AGBL4: variants seen among roughly 807,000 people sequenced by gnomAD.
AGBL4 encodes AGBL carboxypeptidase 4, also known as cytosolic carboxypeptidase 6.
Under a neutral mutation model 66.4 loss-of-function variants are expected in AGBL4, and 58 were observed. That is an observed-to-expected ratio of 0.87 (90% CI 0.71 to 1.09). The LOEUF is 1.09. Among genes scored for constraint, AGBL4 ranks in the 50% least tolerant of loss-of-function variants. The pLI is 0.00. For synonymous variants in AGBL4, 234 were observed against 222.9 expected, an observed-to-expected ratio of 1.05 and a Z score of -0.44; for missense variants, 579 against 631.0, an observed-to-expected ratio of 0.92 and a Z score of 0.88.
At chr1:49,288,360 A>G (rs1259928435) in intron 3 of AGBL4, among the ~76,000 whole-genome samples, 1 of 150,704 alleles carries the variant, frequency 6.6e-6, no homozygotes, top group Non-Finnish European at 1.5e-5. Flanking sequence ...AATTTAAAGT[A>G]TAATAAAAAA....
chr1:48,697,444 G>A (rs543645090), intron 6 of AGBL4, among the ~76,000 whole-genome samples: 4 of 152,196 alleles, frequency 2.6e-5, no homozygotes, highest in Non-Finnish European at 5.9e-5. Context: ...TGAAGGGCAG[G>A]CATTATCTTT....
At chr1:49,880,698 C>T (rs2148140074) in intron 1 of AGBL4, among the ~76,000 whole-genome samples, 1 of 152,326 alleles carries the variant, frequency 6.6e-6, no homozygotes, top group Non-Finnish European at 1.5e-5. Context: ...CCAGTTTGAG[C>T]TTCCCGGCTG....
At chr1:48,841,361 G>A (rs1353563186) in intron 6 of AGBL4, among the ~76,000 whole-genome samples, 1 of 151,202 alleles carries the variant, frequency 6.6e-6, no homozygotes, top group African/African-American at 2.4e-5. Context: ...GTAATCTAAG[G>A]GTAGAGTCTT....
At chr1:49,356,589 C>T (rs1365813751) in intron 3 of AGBL4, among the ~76,000 whole-genome samples, 6 of 152,274 alleles carry the variant, frequency 3.9e-5, no homozygotes, top group East Asian at 1.9e-4. Context: ...ATTTCTTTTA[C>T]GGCTTTATTT....
chr1:48,955,900 G>A (rs1657411841), intron 5 of AGBL4, among the ~76,000 whole-genome samples: 1 of 152,226 alleles, frequency 6.6e-6, no homozygotes, highest in African/African-American at 2.4e-5. Flanking sequence ...AAAATACAGA[G>A]TATTCAGTAA....
At chr1:49,010,934 A>T (rs1297551117) in intron 5 of AGBL4, among the ~76,000 whole-genome samples, 4 of 152,240 alleles carry the variant, frequency 2.6e-5, no homozygotes, top group African/African-American at 7.2e-5. Flanking sequence ...ACTCTAGAAG[A>T]AAACCTAGGC....
chr1:48,806,792 C>G (rs1290533216), intron 6 of AGBL4, among the ~76,000 whole-genome samples: 2 of 152,210 alleles, frequency 1.3e-5, no homozygotes, highest in Non-Finnish European at 2.9e-5. Flanking sequence ...TCTGAGGAAA[C>G]TTGCCAAGGC....
At chr1:49,841,907 T>C (rs1487239600) in intron 2 of AGBL4, 4 of 630,044 alleles carry the variant, frequency 6.3e-6, no homozygotes, top group Admixed American at 2.0e-5. Flanking sequence ...GGGCTGCCTG[T>C]CTCCACAGAC....
intron 3 of AGBL4, among the ~76,000 whole-genome samples, chr1:49,273,227 C>T (rs1021512503): frequency 2.6e-5 from 4 of 152,010 alleles, no homozygotes; most frequent in African/African-American, 9.7e-5. Flanking sequence ...CTAAATCTGG[C>T]ACATGATTAA....
At chr1:49,200,890 TG>T (rs1284829861) in intron 4 of AGBL4, among the ~76,000 whole-genome samples, 1 of 152,110 alleles carries the variant, frequency 6.6e-6, no homozygotes, top group African/African-American at 2.4e-5. Flanking sequence ...CCCTGGAGGT[TG>T]GGGGGTGGGG....
At chr1:49,268,902 A>T (rs1643991500) in intron 3 of AGBL4, among the ~76,000 whole-genome samples, 1 of 152,182 alleles carries the variant, frequency 6.6e-6, no homozygotes. Flanking sequence ...TCTTTATACT[A>T]TGATTTTGCT....
intron 3 of AGBL4, among the ~76,000 whole-genome samples, chr1:49,465,634 C>G (rs1646615017): frequency 6.6e-6 from 1 of 151,802 alleles, no homozygotes; most frequent in African/African-American, 2.4e-5. Context: ...AGGAATTCAG[C>G]AGCCCAATGT....
rs142231925 is a variant in AGBL4 at position 48,687,594 on chromosome 1, A to G, written c.635-24353T>C. On this transcript the variant is annotated intron_variant, in intron 6 of 13. Transcript: ENST00000371839. Reference sequence around the variant, plus strand: ...GATGGGGCTGACCAGGCTATTGTGGAAAAACTCCACAGACCAGGCTGGAAA... The same window carrying G: ...GATGGGGCTGACCAGGCTATTGTGGGAAAACTCCACAGACCAGGCTGGAAA... Among the ~76,000 whole-genome samples the G allele has an allele frequency of 3.7e-3, 568 of 152,320 alleles. 3 individuals carry two copies. Among genetic ancestry groups the G allele is most frequent in the African/African-American group, 0.013 (547 of 41,570 alleles).
intron 3 of AGBL4, among the ~76,000 whole-genome samples, chr1:49,665,941 T>TA (rs1315391847): frequency 1.3e-5 from 2 of 151,394 alleles, no homozygotes; most frequent in South Asian, 2.1e-4. Context: ...TTTTTTTTTT[T>TA]AACAAAGAAG....
intron 3 of AGBL4, among the ~76,000 whole-genome samples, chr1:49,563,589 C>G (rs1185121331): frequency 6.6e-6 from 1 of 152,074 alleles, no homozygotes; most frequent in African/African-American, 2.4e-5. Flanking sequence ...GTCTTTGGTT[C>G]TGTTTATATG....
At chr1:49,835,018 T>C (rs1361467325) in intron 2 of AGBL4, among the ~76,000 whole-genome samples, 2 of 152,176 alleles carry the variant, frequency 1.3e-5, no homozygotes, top group African/African-American at 4.8e-5. Context: ...ATAACAAGTG[T>C]GATATGGTGC....
chr1:48,592,275 A>G (rs1241374845), intron 9 of AGBL4, among the ~76,000 whole-genome samples: 2 of 152,208 alleles, frequency 1.3e-5, no homozygotes, highest in Non-Finnish European at 2.9e-5. Context: ...TCCTCTTTCT[A>G]GTACATAGTC....
At chr1:48,626,838 T>C (rs1157733592) in intron 9 of AGBL4, among the ~76,000 whole-genome samples, 1 of 152,190 alleles carries the variant, frequency 6.6e-6, no homozygotes, top group Non-Finnish European at 1.5e-5. Context: ...TTCCCAGAGT[T>C]GCTAAGGCCT....
intron 3 of AGBL4, among the ~76,000 whole-genome samples, chr1:49,663,971 A>G (rs760676781): frequency 5.3e-5 from 8 of 152,054 alleles, no homozygotes; most frequent in Non-Finnish European, 1.0e-4. Flanking sequence ...AACAGGAGTT[A>G]TAAGTCATTC....
Sources: gnomAD v4.1 joint callset for allele counts (sites outside exome capture counted in the v4.1 genomes callset) on GRCh38, gnomAD v4.1.1 for gene constraint, MANE v1.5 for transcripts, NCBI Gene and HGNC (gene_info 2026-07-23, HGNC 2026-07-21) for gene names.